CPS1: variants seen among roughly 807,000 people sequenced by gnomAD.
CPS1 encodes carbamoyl-phosphate synthase [ammonia], mitochondrial.
Under a neutral mutation model 174.6 loss-of-function variants are expected in CPS1, and 109 were observed. That is an observed-to-expected ratio of 0.62 (90% CI 0.53 to 0.73). CPS1 has a LOEUF of 0.73. Ranked by LOEUF, CPS1 falls within the 30% of genes least tolerant of loss-of-function variation. CPS1 has a pLI of 0.00. For missense variants in CPS1, 1,689 were observed against 1,821.9 expected (o/e 0.93, Z 1.33); for synonymous variants, 637 against 632.0 (o/e 1.01, Z -0.12).
intron 1 of CPS1, among the ~76,000 whole-genome samples, chr2:210,528,267 A>T (rs1338611203): frequency 6.6e-6 from 1 of 151,876 alleles, no homozygotes; most frequent in Non-Finnish European, 1.5e-5. Context: ...TTTTTTAGTG[A>T]TCCAATTGCA....
At chr2:210,665,671 C>A in intron 33 of CPS1, among the ~76,000 whole-genome samples, 1 of 151,640 alleles carries the variant, frequency 6.6e-6, no homozygotes, top group Non-Finnish European at 1.5e-5. Context: ...TTTTTTATGG[C>A]TGCATAGTAT....
chr2:210,648,423 T>TGCATA (rs770922923), intron 26 of CPS1, 50 bp from the exon 27 acceptor site: 1 of 1,434,144 alleles, frequency 7.0e-7, no homozygotes, highest in Non-Finnish European at 9.8e-7. Flanking sequence ...GTAATTTTAT[T>TGCATA]GCATATTTTA....
Position 210,577,520 on chromosome 2 carries a change from G to T in CPS1, c.471+10G>T. The T allele has an allele frequency of 6.3e-7, 1 of 1,596,536 alleles. No homozygotes were observed. Among genetic ancestry groups the T allele is most frequent in the Non-Finnish European group, 8.6e-7 (1 of 1,164,014 alleles). On this transcript the variant is annotated intron_variant, in intron 4 of 37. Transcript: ENST00000233072. ...GCTACAGGAAGAAAAGGTAAGAAATGTAATAGGGCATCCATCATCACCTAA... is the reference window on the plus strand; with the variant it reads ...GCTACAGGAAGAAAAGGTAAGAAATTTAATAGGGCATCCATCATCACCTAA...
intron 2 of CPS1, 77 bp downstream of exon 2, chr2:210,573,484 T>A: frequency 2.7e-6 from 3 of 1,097,164 alleles, no homozygotes; most frequent in South Asian, 2.5e-5. Context: ...TGGTGGTAAG[T>A]TGAAATCACT....
chr2:210,571,551 T>G (rs1048513086), intron 1 of CPS1, among the ~76,000 whole-genome samples: 1 of 151,930 alleles, frequency 6.6e-6, no homozygotes, highest in Non-Finnish European at 1.5e-5. Context: ...TAGTTTTGTG[T>G]GTAAATGTAA....
rs149017066 is a variant in CPS1 at position 210,671,057 on chromosome 2, G to A, written c.4101+2773G>A. Among the ~76,000 whole-genome samples the A allele has an allele frequency of 7.5e-3, 1,146 of 152,154 alleles. 12 individuals are homozygous for A. The highest frequency in any genetic ancestry group is 0.026 in the African/African-American group (1,071 of 41,498). ...GTAATATTTCTAGCCACCTTTCATCGCATTAGGATTTATTTTTAGTTGCTG... is the reference window on the plus strand; with the variant it reads ...GTAATATTTCTAGCCACCTTTCATCACATTAGGATTTATTTTTAGTTGCTG... On this transcript the variant is annotated intron_variant, in intron 34 of 37. Coordinates refer to ENST00000233072, the MANE Select transcript of CPS1 (RefSeq NM_001875.5).
upstream of CPS1, among the ~76,000 whole-genome samples, chr2:210,553,094 G>T (rs1021817971): frequency 1.3e-5 from 2 of 151,576 alleles, no homozygotes; most frequent in African/African-American, 4.8e-5. Context: ...AATGAAAATG[G>T]AATATTTTGT....
chr2:210,578,053 A>G (rs1697773421), intron 4 of CPS1, among the ~76,000 whole-genome samples: 2 of 152,170 alleles, frequency 1.3e-5, no homozygotes, highest in African/African-American at 4.8e-5. Context: ...TGACATATTA[A>G]TAATGTAAGA....
chr2:210,501,413 A>G (rs1405112788), intron 1 of CPS1, among the ~76,000 whole-genome samples: 1 of 152,164 alleles, frequency 6.6e-6, no homozygotes, highest in African/African-American at 2.4e-5. Context: ...CTTCCCTTTT[A>G]AACATAAGTT....
chr2:210,560,464 TA>T (rs1697062175), intron 1 of CPS1, among the ~76,000 whole-genome samples: 1 of 152,156 alleles, frequency 6.6e-6, no homozygotes, highest in African/African-American at 2.4e-5. Flanking sequence ...TCCCTATGAA[TA>T]GAAAAGTGTT....
chr2:210,671,570 A>G (rs1328313728), intron 34 of CPS1: 2 of 152,186 alleles, frequency 1.3e-5, no homozygotes, highest in African/African-American at 2.4e-5. Context: ...TTACACAGGT[A>G]TTTTCAATCA....
intron 21 of CPS1, among the ~76,000 whole-genome samples, chr2:210,629,242 A>G (rs1699786902): frequency 6.6e-6 from 1 of 152,216 alleles, no homozygotes; most frequent in African/African-American, 2.4e-5. Flanking sequence ...CAGAAGCAAC[A>G]TTTCATAGTA....
intron 21 of CPS1, among the ~76,000 whole-genome samples, chr2:210,631,771 T>C (rs566919210): frequency 2.0e-5 from 3 of 152,316 alleles, no homozygotes; most frequent in African/African-American, 7.2e-5. Flanking sequence ...GAAAGAATAG[T>C]TGTATATATA....
At position 210,649,242 on chromosome 2, in the gene CPS1, A is replaced by C. The variant is rs530121320; in HGVS notation, c.3404+702A>C. Among the ~76,000 whole-genome samples, 4 of 152,350 alleles carry C rather than the reference A, an allele frequency of 2.6e-5. No homozygotes were observed. The East Asian group carries it at 7.7e-4, about 29-fold the overall frequency. ...AAACGAGGTGGAAATCTTTTTATTT[A>C]AATGTCATTTTGTGTAAACCATAGT... On this transcript the variant is annotated intron_variant, in intron 27 of 37. Coordinates refer to ENST00000233072, the MANE Select transcript of CPS1 (RefSeq NM_001875.5).
intron 1 of CPS1, among the ~76,000 whole-genome samples, chr2:210,532,512 G>A (rs1696142356): frequency 6.6e-6 from 1 of 151,986 alleles, no homozygotes; most frequent in South Asian, 2.1e-4. Flanking sequence ...TAGGACTAGG[G>A]TAATGACTAG....
At chr2:210,560,493 A>G (rs1697062917) in intron 1 of CPS1, among the ~76,000 whole-genome samples, 2 of 152,144 alleles carry the variant, frequency 1.3e-5, no homozygotes, top group African/African-American at 2.4e-5. Flanking sequence ...TACTCCTTCT[A>G]ACATTAATCC....
intron 1 of CPS1, among the ~76,000 whole-genome samples, chr2:210,571,585 C>CAT (rs1697489697): frequency 6.6e-6 from 1 of 151,868 alleles, no homozygotes; most frequent in Non-Finnish European, 1.5e-5. Flanking sequence ...CACACTCACA[C>CAT]ATAAACAAGA....
At chr2:210,606,657 A>G in intron 17 of CPS1, 74 bp from the exon 18 acceptor site, 1 of 1,332,400 alleles carries the variant, frequency 7.5e-7, no homozygotes, top group Non-Finnish European at 1.1e-6. Flanking sequence ...TGCATCGTGC[A>G]AGTAGATGGT....
chr2:210,637,941 G>T, intron 22 of CPS1, 98 bp downstream of exon 22: 1 of 1,363,126 alleles, frequency 7.3e-7, no homozygotes, highest in South Asian at 1.2e-5. Flanking sequence ...AAAAAGAGGA[G>T]TGGAATTAAG....
Sources: gnomAD v4.1 joint callset for allele counts (sites outside exome capture counted in the v4.1 genomes callset) on GRCh38, gnomAD v4.1.1 for gene constraint, MANE v1.5 for transcripts, NCBI Gene and HGNC (gene_info 2026-07-23, HGNC 2026-07-21) for gene names.